Variants in C2CD5 observed in about 807,000 individuals in gnomAD.
The protein encoded by C2CD5 is C2 domain-containing protein 5.
C2CD5 carries 109 observed loss-of-function variants against 130.3 expected under a neutral mutation model. The observed-to-expected ratio is 0.84, with a 90% CI of 0.72 to 0.98. C2CD5 has a LOEUF of 0.98. Ranked by LOEUF, C2CD5 falls within the 50% of genes least tolerant of loss-of-function variation. The pLI is 0.00. For missense variants in C2CD5, 996 were observed against 1,261.8 expected (o/e 0.79, Z 3.19); for synonymous variants, 454 against 429.2 (o/e 1.06, Z -0.71).
chr12:22,515,948 A>G (rs1341790592), intron 8 of C2CD5, among the ~76,000 whole-genome samples: 1 of 151,990 alleles, frequency 6.6e-6, no homozygotes, highest in African/African-American at 2.4e-5. Flanking sequence ...AAATATAAAA[A>G]TAAAACCTTG....
At chr12:22,511,365 C>T (rs1949173879) in intron 9 of C2CD5, among the ~76,000 whole-genome samples, 1 of 152,058 alleles carries the variant, frequency 6.6e-6, no homozygotes, top group Non-Finnish European at 1.5e-5. Context: ...TCTTGCTTTT[C>T]CCAAAACAGA....
intron 22 of C2CD5, among the ~76,000 whole-genome samples, chr12:22,461,527 A>C (rs1229553897): frequency 1.3e-5 from 2 of 152,224 alleles, no homozygotes; most frequent in African/African-American, 2.4e-5. Flanking sequence ...AGTGGAAAAA[A>C]CAAGGTACAC....
At chr12:22,521,563 G>T (rs1035994841) in intron 7 of C2CD5, among the ~76,000 whole-genome samples, 2 of 152,140 alleles carry the variant, frequency 1.3e-5, no homozygotes, top group African/African-American at 4.8e-5. Context: ...ATTTGCTACA[G>T]AGAGAGGGAA....
At chr12:22,460,420 A>G (rs1488523575) in intron 22 of C2CD5, 1 of 152,154 alleles carries the variant, frequency 6.6e-6, no homozygotes, top group Non-Finnish European at 1.5e-5. Flanking sequence ...TAGATAGATA[A>G]ATATGTTTTT....
intron 10 of C2CD5, among the ~76,000 whole-genome samples, chr12:22,501,133 C>A (rs982823850): frequency 7.2e-5 from 11 of 152,102 alleles, no homozygotes; most frequent in African/African-American, 2.7e-4. Context: ...CTAAGTCTTA[C>A]CAGAAAGATT....
At chr12:22,518,175 T>G in intron 7 of C2CD5, 38 bp from the exon 8 acceptor site, 1 of 1,601,924 alleles carries the variant, frequency 6.2e-7, no homozygotes, top group South Asian at 1.1e-5. Flanking sequence ...AGTAATCATG[T>G]GCCAAAGGAC....
chr12:22,489,713 G>T (rs1555187984), intron 12 of C2CD5, among the ~76,000 whole-genome samples: 1 of 152,012 alleles, frequency 6.6e-6, no homozygotes, highest in Non-Finnish European at 1.5e-5. Flanking sequence ...ATAAAATGCA[G>T]TACTTTTACT....
intron 22 of C2CD5, among the ~76,000 whole-genome samples, chr12:22,468,602 A>G (rs1484746608): frequency 2.6e-5 from 4 of 152,086 alleles, no homozygotes; most frequent in African/African-American, 9.7e-5. Context: ...TTTGAATTTG[A>G]TTTTTCCTCT....
At chr12:22,516,049 GAA>G (rs74317886) in intron 8 of C2CD5, among the ~76,000 whole-genome samples, 2 of 130,206 alleles carry the variant, frequency 1.5e-5, no homozygotes, top group African/African-American at 2.6e-5. Flanking sequence ...ACTACAAACA[GAA>G]AAAAAAAAAA....
chr12:22,468,257 C>T (rs1019841579), intron 22 of C2CD5, among the ~76,000 whole-genome samples: 4 of 152,116 alleles, frequency 2.6e-5, no homozygotes, highest in Non-Finnish European at 2.9e-5. Flanking sequence ...CTCCCCCTAT[C>T]GCCTGGGCTG....
chr12:22,461,842 G>T (rs530275866), intron 22 of C2CD5, among the ~76,000 whole-genome samples: 2 of 152,064 alleles, frequency 1.3e-5, no homozygotes, highest in Non-Finnish European at 2.9e-5. Flanking sequence ...GGAGATTTTT[G>T]ATTTCACTTA....
intron 3 of C2CD5, among the ~76,000 whole-genome samples, chr12:22,534,207 T>C (rs1055674383): frequency 6.6e-6 from 1 of 152,040 alleles, no homozygotes; most frequent in East Asian, 1.9e-4. Flanking sequence ...AGGAATGAAG[T>C]TGGCCTCTTA....
intron 21 of C2CD5, 69 bp downstream of exon 21, chr12:22,470,755 T>C (rs1246096120): frequency 1.7e-5 from 15 of 897,900 alleles, no homozygotes; most frequent in African/African-American, 3.3e-5. Context: ...CCACCTGTCC[T>C]GTATATTTTA....
chr12:22,478,565 G>T, intron 14 of C2CD5, 88 bp from the exon 15 acceptor site: 2 of 1,171,166 alleles, frequency 1.7e-6, no homozygotes, highest in Non-Finnish European at 2.4e-6. Flanking sequence ...GTGGTCAACA[G>T]CTGGGTGCAG....
chr12:22,457,889 T>G (rs538979085), intron 24 of C2CD5, among the ~76,000 whole-genome samples: 9 of 152,300 alleles, frequency 5.9e-5, no homozygotes, highest in Admixed American at 3.9e-4. Flanking sequence ...ATGGCACTTC[T>G]AGGATTCAGA....
chr12:22,474,965 TAGACAC>T, intron 15 of C2CD5, 74 bp from the exon 16 acceptor site: 1 of 956,908 alleles, frequency 1.0e-6, no homozygotes, highest in South Asian at 2.4e-5. Flanking sequence ...TTTATATTAG[TAGACAC>T]CTACCTGTGG....
intron 3 of C2CD5, among the ~76,000 whole-genome samples, chr12:22,533,998 C>G (rs1157807245): frequency 1.3e-5 from 2 of 152,144 alleles, no homozygotes; most frequent in Non-Finnish European, 2.9e-5. Context: ...CCAGCCGGGC[C>G]AACAGGGCAA....
chr12:22,468,423 G>A (rs1166931353), intron 22 of C2CD5, among the ~76,000 whole-genome samples: 20 of 152,052 alleles, frequency 1.3e-4, no homozygotes, highest in Admixed American at 1.3e-3. Context: ...TCACTGTGTT[G>A]CCCAGGCTGG....
chr12:22,525,287 C>A (rs1364757651), intron 5 of C2CD5, among the ~76,000 whole-genome samples: 1 of 152,108 alleles, frequency 6.6e-6, no homozygotes, highest in Non-Finnish European at 1.5e-5. Flanking sequence ...TTCCCTAGAC[C>A]CAATACCCAT....
Sources: allele counts gnomAD v4.1 joint callset (sites outside exome capture counted in the v4.1 genomes callset), GRCh38; gene constraint gnomAD v4.1.1; transcripts MANE v1.5; gene names NCBI Gene and HGNC (gene_info 2026-07-23, HGNC 2026-07-21).